Variants in TRMT11 observed in about 807,000 individuals in gnomAD.
TRMT11 encodes tRNA (guanine(10)-N(2))-methyltransferase TRMT11.
TRMT11 carries 53 observed loss-of-function variants against 62.8 expected under a neutral mutation model. The observed-to-expected ratio is 0.84, with a 90% CI of 0.68 to 1.06. The LOEUF is 1.06. Among genes scored for constraint, TRMT11 ranks in the 50% least tolerant of loss-of-function variants. TRMT11 has a pLI of 0.00. For missense variants in TRMT11, 556 were observed against 553.4 expected, an observed-to-expected ratio of 1.00 and a Z score of -0.05; for synonymous variants, 188 against 190.3, an observed-to-expected ratio of 0.99 and a Z score of 0.10.
chr6:126,074,583 C>T (rs943496056), intron 17 of TRMT11, among the ~76,000 whole-genome samples: 7 of 152,086 alleles, frequency 4.6e-5, no homozygotes, highest in African/African-American at 1.7e-4. Flanking sequence ...CTAGTTAGGC[C>T]ATGGGCAATG....
At chr6:126,059,064 T>TTTC (rs1776454935) in intron 17 of TRMT11, among the ~76,000 whole-genome samples, 1 of 149,916 alleles carries the variant, frequency 6.7e-6, no homozygotes, top group Non-Finnish European at 1.5e-5. Context: ...TTTTTTTTTT[T>TTTC]GTAGAGACAG....
intron 17 of TRMT11, among the ~76,000 whole-genome samples, chr6:126,095,952 G>T (rs1040037571): frequency 1.3e-5 from 2 of 152,158 alleles, no homozygotes; most frequent in African/African-American, 4.8e-5. Flanking sequence ...GATTCTGGGG[G>T]CCTAGGAGCA....
chr6:126,043,612 C>T (rs865963104), downstream of TRMT11, among the ~76,000 whole-genome samples: 831 of 152,128 alleles, frequency 5.5e-3, 6 homozygotes, highest in African/African-American at 0.02. Context: ...AGTTCTAGAT[C>T]CCTGAGGAAT....
intron 17 of TRMT11, among the ~76,000 whole-genome samples, chr6:126,055,912 T>C (rs890008926): frequency 2.0e-5 from 3 of 151,956 alleles, no homozygotes; most frequent in East Asian, 3.9e-4. Context: ...GTTTCCCTCT[T>C]TCTTCTTCTC....
chr6:126,263,113 TA>T, the TRMT11 span, among the ~76,000 whole-genome samples: 3,381 of 152,230 alleles, frequency 0.022, 64 homozygotes, highest in Non-Finnish European at 0.032. Flanking sequence ...TTGGGGTCTC[TA>T]GGGGGAGAAA....
upstream of TRMT11, among the ~76,000 whole-genome samples, chr6:126,174,411 A>G (rs1348449987): frequency 6.6e-6 from 1 of 152,194 alleles, no homozygotes; most frequent in African/African-American, 2.4e-5. Context: ...CTGCTGGGCT[A>G]CCATGCCCTT....
At chr6:126,147,967 A>G (rs1186819973) in intron 21 of TRMT11, among the ~76,000 whole-genome samples, 2 of 152,122 alleles carry the variant, frequency 1.3e-5, no homozygotes, top group Non-Finnish European at 2.9e-5. Context: ...TGACGGGTGC[A>G]GCAAACCACC....
At chr6:126,140,295 G>C (rs867408838) in intron 21 of TRMT11, among the ~76,000 whole-genome samples, 12 of 151,940 alleles carry the variant, frequency 7.9e-5, no homozygotes, top group Non-Finnish European at 1.8e-4. Flanking sequence ...AATTCAAGGT[G>C]TATATATCTT....
the TRMT11 span, among the ~76,000 whole-genome samples, chr6:126,242,535 A>G: frequency 6.6e-6 from 1 of 152,198 alleles, no homozygotes; most frequent in South Asian, 2.1e-4. Context: ...TTCAAACTAT[A>G]CTACAAGGCT....
intron 17 of TRMT11, among the ~76,000 whole-genome samples, chr6:126,054,251 T>C (rs1056835145): frequency 6.6e-6 from 1 of 152,184 alleles, no homozygotes; most frequent in Non-Finnish European, 1.5e-5. Flanking sequence ...TTGCCTTTGC[T>C]CCAGGGTCTG....
intron 17 of TRMT11, among the ~76,000 whole-genome samples, chr6:126,059,485 G>A (rs1472898022): frequency 6.6e-6 from 1 of 152,168 alleles, no homozygotes; most frequent in East Asian, 1.9e-4. Context: ...TTCATGGAAG[G>A]CAGAGGCTGG....
At chr6:126,072,863 T>G (rs1291475417) in intron 17 of TRMT11, among the ~76,000 whole-genome samples, 1 of 152,130 alleles carries the variant, frequency 6.6e-6, no homozygotes, top group Non-Finnish European at 1.5e-5. Flanking sequence ...ATGATCTAAT[T>G]ACCTCCCAAA....
At chr6:126,122,516 C>T (rs532008348) in intron 21 of TRMT11, among the ~76,000 whole-genome samples, 1 of 152,252 alleles carries the variant, frequency 6.6e-6, no homozygotes, top group African/African-American at 2.4e-5. Flanking sequence ...ATCTGACCCA[C>T]ATTGTTTGAT....
chr6:126,148,059 AT>A (rs201719266), intron 21 of TRMT11, among the ~76,000 whole-genome samples: 1 of 152,190 alleles, frequency 6.6e-6, no homozygotes, highest in African/African-American at 2.4e-5. Flanking sequence ...TTAAAAAAAA[AT>A]TCCTGAGATT....
At chr6:126,265,056 GCTTA>G in the TRMT11 span, among the ~76,000 whole-genome samples, 1 of 151,836 alleles carries the variant, frequency 6.6e-6, no homozygotes, top group Non-Finnish European at 1.5e-5. Flanking sequence ...TTTCATATTG[GCTTA>G]CTGAGTTGTA....
chr6:126,268,234 C>G, the TRMT11 span, among the ~76,000 whole-genome samples: 2 of 152,114 alleles, frequency 1.3e-5, no homozygotes, highest in Non-Finnish European at 2.9e-5. Context: ...GGGGCCAGTG[C>G]ACACTCTCCA....
At chr6:126,105,650 C>T (rs1362727418) in intron 17 of TRMT11, among the ~76,000 whole-genome samples, 3 of 151,716 alleles carry the variant, frequency 2.0e-5, no homozygotes, top group African/African-American at 7.3e-5. Flanking sequence ...TGGTTTTTGC[C>T]TTGTTGCTTC....
At chr6:126,151,702 C>A (rs905212099) in intron 21 of TRMT11, among the ~76,000 whole-genome samples, 2 of 151,652 alleles carry the variant, frequency 1.3e-5, no homozygotes, top group Non-Finnish European at 2.9e-5. Context: ...CTTTTATTCA[C>A]CCCTTCTCTT....
At chr6:126,263,997 A>T in the TRMT11 span, among the ~76,000 whole-genome samples, 6 of 152,296 alleles carry the variant, frequency 3.9e-5, no homozygotes, top group Admixed American at 3.9e-4. Flanking sequence ...TAAAACAGTG[A>T]ATTTCTGCTT....
Sources: gnomAD v4.1 joint callset for allele counts (sites outside exome capture counted in the v4.1 genomes callset) on GRCh38, gnomAD v4.1.1 for gene constraint, MANE v1.5 for transcripts, NCBI Gene and HGNC (gene_info 2026-07-23, HGNC 2026-07-21) for gene names.